Variants in PTPRM observed in about 807,000 individuals in gnomAD.
PTPRM encodes receptor-type tyrosine-protein phosphatase mu.
PTPRM carries 47 observed loss-of-function variants against 186.7 expected under a neutral mutation model. That is an observed-to-expected ratio of 0.25 (90% CI 0.20 to 0.32). The LOEUF (loss-of-function observed/expected upper bound fraction) is 0.32, where lower values mean the gene tolerates loss of function less well. Among genes scored for constraint, PTPRM ranks in the 10% least tolerant of loss-of-function variants. The pLI is 1.00. For synonymous variants in PTPRM, 668 were observed against 674.9 expected (o/e 0.99, Z 0.16); for missense variants, 1,494 against 1,865.0 (o/e 0.80, Z 3.66).
chr18:7,858,848 T>C (rs1212153200), intron 2 of PTPRM, among the ~76,000 whole-genome samples: 1 of 152,218 alleles, frequency 6.6e-6, no homozygotes, highest in Non-Finnish European at 1.5e-5. Context: ...ATACCAAGGA[T>C]ATCTATAAAC....
intron 32 of PTPRM, among the ~76,000 whole-genome samples, chr18:8,405,437 G>C (rs1013225368): frequency 2.6e-5 from 4 of 152,182 alleles, no homozygotes; most frequent in African/African-American, 7.2e-5. Flanking sequence ...TCCACTCCAC[G>C]CATCAGTTCC....
At chr18:8,314,917 A>G (rs1568730087) in intron 21 of PTPRM, 60 bp downstream of exon 21, 8 of 1,165,372 alleles carry the variant, frequency 6.9e-6, no homozygotes, top group East Asian at 2.6e-5. Flanking sequence ...GGTGCTATGT[A>G]TGATATTTTG....
intron 20 of PTPRM, among the ~76,000 whole-genome samples, chr18:8,297,148 T>C (rs1218766009): frequency 1.3e-5 from 2 of 152,086 alleles, no homozygotes; most frequent in African/African-American, 2.4e-5. Flanking sequence ...ACTAAACTGC[T>C]CTCCGTCATC....
At chr18:8,341,557 G>C (rs2095474864) in intron 22 of PTPRM, among the ~76,000 whole-genome samples, 1 of 152,142 alleles carries the variant, frequency 6.6e-6, no homozygotes, top group Admixed American at 6.5e-5. Context: ...AAGTGGCTTT[G>C]CTCTTCCTGC....
intron 4 of PTPRM, 148 bp downstream of exon 4, chr18:7,906,731 A>G: frequency 1.5e-6 from 1 of 660,096 alleles, no homozygotes; most frequent in South Asian, 2.0e-5. Context: ...GCCAGCCCAG[A>G]AATCCAAAAG....
rs76439427 is a variant in PTPRM, at chr18:7,813,340, G to A, written c.196+39069G>A. Among the ~76,000 whole-genome samples, 360 of 152,324 alleles carry A rather than the reference G, an allele frequency of 2.4e-3. 1 individual carries two copies. The highest frequency in any genetic ancestry group is 8.0e-3 in the African/African-American group (333 of 41,582). ...CTGAATCATTGCTGAGATTGACAAA[G>A]ATCAAGTGCTTGGAACCGGTAGCCA... On this transcript the variant is annotated intron_variant, in intron 2 of 32. Coordinates refer to ENST00000580170, the MANE Select transcript of PTPRM (RefSeq NM_001105244.2).
chr18:8,353,367 G>A (rs613113), intron 23 of PTPRM, among the ~76,000 whole-genome samples: 119,166 of 152,146 alleles, frequency 0.78, 48,555 homozygotes, highest in Middle Eastern at 0.95. Context: ...GTATTGAAAA[G>A]CAATCTTGGT....
intron 19 of PTPRM, among the ~76,000 whole-genome samples, chr18:8,291,853 C>CAA (rs59979399): frequency 2.6e-4 from 28 of 107,732 alleles, no homozygotes; most frequent in African/African-American, 3.9e-4. Context: ...CATGGTCTTC[C>CAA]AAAAAAAAAA....
intron 32 of PTPRM, among the ~76,000 whole-genome samples, chr18:8,400,520 A>G (rs368425458): frequency 1.2e-4 from 19 of 152,198 alleles, no homozygotes; most frequent in African/African-American, 4.6e-4. Flanking sequence ...TAGACGTGCC[A>G]CACGGCTGAG....
intron 2 of PTPRM, among the ~76,000 whole-genome samples, chr18:7,783,081 ACAT>A (rs2042932781): frequency 1.3e-5 from 2 of 152,206 alleles, no homozygotes; most frequent in African/African-American, 2.4e-5. Context: ...GTACAAGATG[ACAT>A]CATAAGAGTT....
chr18:7,791,115 T>C (rs2043321117), intron 2 of PTPRM, among the ~76,000 whole-genome samples: 1 of 152,202 alleles, frequency 6.6e-6, no homozygotes, highest in Admixed American at 6.5e-5. Flanking sequence ...ATGTAAGACA[T>C]TTTTACTTAC....
chr18:7,711,629 C>A (rs2040214778), intron 1 of PTPRM, among the ~76,000 whole-genome samples: 1 of 152,188 alleles, frequency 6.6e-6, no homozygotes. Context: ...TGACATGGGA[C>A]ACTGGACTTG....
chr18:7,621,899 C>T lies in PTPRM; in HGVS notation c.73+54008C>T, dbSNP rs868193396. Among the ~76,000 whole-genome samples, 8 of 152,304 alleles carry T rather than the reference C, an allele frequency of 5.3e-5. No individual in the cohort carries two copies. The Middle Eastern group carries it at 0.01, about 194-fold the overall frequency. ...GATATCTTGGTTGCTTCCAATTTGG[C>T]AAATTCTGTATAAAGCTGCCATAAA... On this transcript the variant is annotated intron_variant, in intron 1 of 32. Coordinates refer to ENST00000580170, the MANE Select transcript of PTPRM (RefSeq NM_001105244.2).
intron 25 of PTPRM, 22 bp from the exon 26 acceptor site, chr18:8,376,440 A>T: frequency 6.2e-7 from 1 of 1,614,104 alleles, no homozygotes; most frequent in Non-Finnish European, 8.5e-7. Flanking sequence ...TCCTCCACTG[A>T]CAGACCCCCC....
At chr18:7,815,472 A>G (rs766567750) in intron 2 of PTPRM, 4 of 152,176 alleles carry the variant, frequency 2.6e-5, no homozygotes, top group Non-Finnish European at 5.9e-5. Context: ...GCATGTTTCT[A>G]TCTTATTAAT....
At chr18:7,850,782 G>A (rs2046822913) in intron 2 of PTPRM, among the ~76,000 whole-genome samples, 1 of 152,158 alleles carries the variant, frequency 6.6e-6, no homozygotes, top group Non-Finnish European at 1.5e-5. Context: ...ATTAACTGTA[G>A]CCTCAGATTT....
intron 1 of PTPRM, among the ~76,000 whole-genome samples, chr18:7,706,534 C>A (rs1371362955): frequency 8.3e-6 from 1 of 121,204 alleles, no homozygotes; most frequent in African/African-American, 3.2e-5. Flanking sequence ...CCTGGGAGGT[C>A]AAAGCTTCAG....
At chr18:8,210,651 G>A (rs4797310) in intron 14 of PTPRM, among the ~76,000 whole-genome samples, 40,756 of 152,032 alleles carry the variant, frequency 0.27, 5,628 homozygotes, top group Middle Eastern at 0.5. Flanking sequence ...GTCATGGGTG[G>A]ATATGAAACT....
Position 7,973,521 on chromosome 18 carries a change from C to A in PTPRM, c.1132+18107C>A, listed in dbSNP as rs536681731. On this transcript the variant is annotated intron_variant, in intron 7 of 32. Coordinates refer to ENST00000580170, the MANE Select transcript of PTPRM (RefSeq NM_001105244.2). ...GTATATTTCTTCCTCAGCAAATTGT[C>A]CATTTCTGTCCTTAGGATGCTTTCT... Among the ~76,000 whole-genome samples, 5 of 152,240 alleles carry A rather than the reference C, an allele frequency of 3.3e-5. No homozygotes were observed. In the South Asian group the frequency reaches 1.0e-3, roughly 32 times the overall value.
Sources: allele counts gnomAD v4.1 joint callset (sites outside exome capture counted in the v4.1 genomes callset), GRCh38; gene constraint gnomAD v4.1.1; transcripts MANE v1.5; gene names NCBI Gene and HGNC (gene_info 2026-07-23, HGNC 2026-07-21).